The following CAST variants were observed in gnomAD, a reference collection of about 807,000 sequenced individuals.
CAST encodes calpastatin, also known as MIR583 host.
CAST carries 76 observed loss-of-function variants against 119.6 expected under a neutral mutation model. The ratio of observed to expected loss-of-function variants is 0.64; its 90% CI spans 0.53 to 0.77. The LOEUF is 0.77. Ranked by LOEUF, CAST falls within the 30% of genes least tolerant of loss-of-function variation. The pLI is 0.00. For synonymous variants in CAST, 319 were observed against 331.6 expected, an observed-to-expected ratio of 0.96 and a Z score of 0.41; for missense variants, 953 against 946.5, an observed-to-expected ratio of 1.01 and a Z score of -0.09.
the CAST span, among the ~76,000 whole-genome samples, chr5:96,459,624 TTC>T: frequency 6.6e-6 from 1 of 152,166 alleles, no homozygotes; most frequent in Non-Finnish European, 1.5e-5. Context: ...CCATGGAGTT[TTC>T]TCTCTTTCTC....
chr5:96,322,198 A>G, the CAST span, among the ~76,000 whole-genome samples: 1 of 152,274 alleles, frequency 6.6e-6, no homozygotes, highest in East Asian at 1.9e-4. Context: ...TTGGGAAACA[A>G]GAATACAAGT....
chr5:96,463,943 A>C, the CAST span, among the ~76,000 whole-genome samples: 1 of 152,116 alleles, frequency 6.6e-6, no homozygotes, highest in East Asian at 1.9e-4. Flanking sequence ...AAACAGATAA[A>C]GTGAGTCAGA....
the CAST span, among the ~76,000 whole-genome samples, chr5:96,447,915 A>C: frequency 1.3e-5 from 2 of 152,134 alleles, no homozygotes; most frequent in Non-Finnish European, 2.9e-5. Flanking sequence ...TAAAACAAGA[A>C]GTAAAAACCT....
At chr5:96,031,634 T>A in the CAST span, among the ~76,000 whole-genome samples, 1 of 152,170 alleles carries the variant, frequency 6.6e-6, no homozygotes, top group South Asian at 2.1e-4. Context: ...ATTTGGAAAG[T>A]GTAGCAAAAA....
chr5:96,084,553 C>G, the CAST span, among the ~76,000 whole-genome samples: 1 of 152,148 alleles, frequency 6.6e-6, no homozygotes, highest in African/African-American at 2.4e-5. Flanking sequence ...ATTTGTTGGT[C>G]GCAGGCACCA....
At chr5:96,384,571 C>T in the CAST span, among the ~76,000 whole-genome samples, 1 of 152,194 alleles carries the variant, frequency 6.6e-6, no homozygotes, top group Non-Finnish European at 1.5e-5. Context: ...CACCTCTTTT[C>T]CGTCAGCTGA....
chr5:95,969,787 G>C, the CAST span, among the ~76,000 whole-genome samples: 5 of 152,148 alleles, frequency 3.3e-5, no homozygotes, highest in African/African-American at 1.2e-4. Flanking sequence ...TTAGGTTAGC[G>C]GTATCAGTGG....
chr5:96,294,879 A>G, the CAST span, among the ~76,000 whole-genome samples: 3 of 152,188 alleles, frequency 2.0e-5, no homozygotes, highest in African/African-American at 4.8e-5. Context: ...TTCCTGTAAC[A>G]TTAAGTTTTC....
the CAST span, among the ~76,000 whole-genome samples, chr5:96,492,613 T>C: frequency 6.6e-6 from 1 of 152,230 alleles, no homozygotes; most frequent in Non-Finnish European, 1.5e-5. Flanking sequence ...CTTTTTCTTC[T>C]TCTTAAAAAT....
At chr5:96,120,211 T>A in the CAST span, among the ~76,000 whole-genome samples, 3 of 152,264 alleles carry the variant, frequency 2.0e-5, no homozygotes, top group Non-Finnish European at 4.4e-5. Context: ...TGAATAAAAC[T>A]GCCTTGGGCT....
At chr5:96,486,942 G>T in the CAST span, among the ~76,000 whole-genome samples, 3 of 151,560 alleles carry the variant, frequency 2.0e-5, no homozygotes, top group South Asian at 4.1e-4. Context: ...ATCAAAAATT[G>T]TGCATGCTAT....
At chr5:96,352,106 C>G in the CAST span, among the ~76,000 whole-genome samples, 1 of 152,172 alleles carries the variant, frequency 6.6e-6, no homozygotes, top group East Asian at 1.9e-4. Context: ...TGGCCAAAGA[C>G]TGGCTGGAAC....
intron 1 of CAST, among the ~76,000 whole-genome samples, chr5:96,616,243 A>ATC (rs1197870534): frequency 1.3e-5 from 2 of 152,324 alleles, no homozygotes; most frequent in East Asian, 3.9e-4. Context: ...CACAGTTTAC[A>ATC]TCTCAGGCTC....
At chr5:96,616,238 T>C (rs1316149443) in intron 1 of CAST, among the ~76,000 whole-genome samples, 7 of 152,156 alleles carry the variant, frequency 4.6e-5, no homozygotes, top group African/African-American at 1.7e-4. Context: ...ACCATCACAG[T>C]TTACATCTCA....
chr5:96,209,326 A>G, the CAST span, among the ~76,000 whole-genome samples: 1 of 152,004 alleles, frequency 6.6e-6, no homozygotes, highest in Non-Finnish European at 1.5e-5. Flanking sequence ...CTTCAAGATT[A>G]ATATTGATAT....
chr5:96,443,425 A>T, the CAST span, among the ~76,000 whole-genome samples: 3 of 152,166 alleles, frequency 2.0e-5, no homozygotes, highest in Non-Finnish European at 4.4e-5. Context: ...CTGCCCCAAC[A>T]CCCAACCTAT....
the CAST span, among the ~76,000 whole-genome samples, chr5:96,010,961 A>T: frequency 6.6e-6 from 1 of 152,154 alleles, no homozygotes; most frequent in Non-Finnish European, 1.5e-5. Flanking sequence ...TGTATCCTGA[A>T]ACTTTACTGA....
the CAST span, among the ~76,000 whole-genome samples, chr5:96,132,199 A>G: frequency 6.6e-6 from 1 of 151,704 alleles, no homozygotes; most frequent in Non-Finnish European, 1.5e-5. Context: ...GGAAAGAGGG[A>G]AGCAATTAAA....
the CAST span, among the ~76,000 whole-genome samples, chr5:95,977,708 T>G: frequency 6.6e-6 from 1 of 152,160 alleles, no homozygotes; most frequent in Non-Finnish European, 1.5e-5. Context: ...ATAGGTAAAC[T>G]CATGTCATGG....
Sources: gnomAD v4.1 joint callset for allele counts (sites outside exome capture counted in the v4.1 genomes callset) on GRCh38, gnomAD v4.1.1 for gene constraint, MANE v1.5 for transcripts, NCBI Gene and HGNC (gene_info 2026-07-23, HGNC 2026-07-21) for gene names.